Variants in GRM1 observed in about 807,000 individuals in gnomAD.
GRM1 encodes the protein metabotropic glutamate receptor 1.
GRM1 carries 33 observed loss-of-function variants against 90.9 expected under a neutral mutation model. That is an observed-to-expected ratio of 0.36 (90% CI 0.28 to 0.49). The LOEUF (loss-of-function observed/expected upper bound fraction) is 0.49, where lower values mean the gene tolerates loss of function less well. Ranked by LOEUF, GRM1 falls within the 20% of genes least tolerant of loss-of-function variation. The pLI is 0.99. For synonymous variants in GRM1, 700 were observed against 613.2 expected, an observed-to-expected ratio of 1.14 and a Z score of -2.09; for missense variants, 1,190 against 1,534.3, an observed-to-expected ratio of 0.78 and a Z score of 3.75.
chr6:146,032,587 A>G (rs1372317925), intron 1 of GRM1, among the ~76,000 whole-genome samples: 1 of 152,080 alleles, frequency 6.6e-6, no homozygotes, highest in Non-Finnish European at 1.5e-5. Flanking sequence ...CTTATTGGTG[A>G]CAGTTCCCTG....
intron 2 of GRM1, among the ~76,000 whole-genome samples, chr6:146,260,126 AT>A (rs1306329465): frequency 6.6e-6 from 1 of 151,998 alleles, no homozygotes; most frequent in African/African-American, 2.4e-5. Flanking sequence ...CATCATCTGC[AT>A]TAGATATTAC....
intron 7 of GRM1, among the ~76,000 whole-genome samples, chr6:146,407,980 G>A (rs562623676): frequency 1.3e-4 from 20 of 152,282 alleles, no homozygotes; most frequent in African/African-American, 3.9e-4. Context: ...AGTTTGAACT[G>A]CTATAACTAA....
intron 1 of GRM1, among the ~76,000 whole-genome samples, chr6:146,149,113 T>C (rs1006007444): frequency 2.0e-5 from 3 of 152,218 alleles, no homozygotes; most frequent in Admixed American, 6.5e-5. Flanking sequence ...AGTGGATCAT[T>C]GTATGAAGCT....
intron 1 of GRM1, among the ~76,000 whole-genome samples, chr6:146,140,090 A>ATTCTTTCTTTCT (rs766023029): frequency 0.19 from 11,067 of 57,706 alleles, 1,513 homozygotes; most frequent in Non-Finnish European, 0.21. Flanking sequence ...TTCTTTCTTT[A>ATTCTTTCTTTCT]TTCTTTCTTT....
chr6:146,212,385 A>G (rs1779712770), intron 2 of GRM1, among the ~76,000 whole-genome samples: 1 of 152,230 alleles, frequency 6.6e-6, no homozygotes, highest in Non-Finnish European at 1.5e-5. Context: ...CATTTTGAAG[A>G]TGCTTCAGCA....
chr6:146,172,284 A>G (rs1026545101), intron 2 of GRM1, among the ~76,000 whole-genome samples: 10 of 152,166 alleles, frequency 6.6e-5, no homozygotes, highest in African/African-American at 2.4e-4. Flanking sequence ...TCACACTGCC[A>G]TCTCCCTTGT....
intron 5 of GRM1, among the ~76,000 whole-genome samples, chr6:146,376,272 T>C (rs1776095698): frequency 1.3e-5 from 2 of 152,146 alleles, no homozygotes. Flanking sequence ...TACTTTTGAT[T>C]GGTTCATTAT....
At chr6:146,249,301 C>T (rs890120253) in intron 2 of GRM1, among the ~76,000 whole-genome samples, 3 of 152,234 alleles carry the variant, frequency 2.0e-5, no homozygotes, top group Admixed American at 2.0e-4. Flanking sequence ...TTCACATCAG[C>T]CTCTCCCATT....
chr6:146,225,074 C>G (rs1352058798), intron 2 of GRM1, among the ~76,000 whole-genome samples: 1 of 152,052 alleles, frequency 6.6e-6, no homozygotes, highest in Non-Finnish European at 1.5e-5. Flanking sequence ...TCTCCTTAGC[C>G]CTCTAGGTAG....
At position 146,414,604 on chromosome 6, in the gene GRM1, C is replaced by A. The variant is rs940887224; in HGVS notation, c.2660+14905C>A. Among the ~76,000 whole-genome samples, 5 of 152,004 alleles carry A rather than the reference C, an allele frequency of 3.3e-5. No homozygotes were observed. In the South Asian group the frequency reaches 1.0e-3, roughly 31 times the overall value. ...TTTTTAGTAGAGACGGGGTTTCACC[C>A]TGTTAGCCAGAATGGTCTTGATCTC... On this transcript the variant is annotated intron_variant, in intron 7 of 7. Coordinates refer to ENST00000282753, the MANE Select transcript of GRM1 (RefSeq NM_001278064.2).
At chr6:146,169,269 C>G (rs1778016725) in intron 2 of GRM1, among the ~76,000 whole-genome samples, 1 of 151,952 alleles carries the variant, frequency 6.6e-6, no homozygotes, top group Non-Finnish European at 1.5e-5. Context: ...AAAAGTTATA[C>G]CTGAGTATTT....
intron 6 of GRM1, among the ~76,000 whole-genome samples, chr6:146,388,966 C>T (rs1039822384): frequency 9.9e-5 from 15 of 152,094 alleles, no homozygotes; most frequent in Admixed American, 3.9e-4. Flanking sequence ...TGAATGCTCT[C>T]ACTCTGCCAT....
At chr6:146,423,840 C>T (rs182407928) in intron 7 of GRM1, among the ~76,000 whole-genome samples, 13 of 152,258 alleles carry the variant, frequency 8.5e-5, no homozygotes, top group Admixed American at 6.5e-4. Flanking sequence ...AATGAAAACA[C>T]GGAGCTCCTG....
intron 2 of GRM1, among the ~76,000 whole-genome samples, chr6:146,169,609 T>C: frequency 6.6e-6 from 1 of 152,212 alleles, no homozygotes; most frequent in Non-Finnish European, 1.5e-5. Flanking sequence ...GTCTACCTGC[T>C]TCAACCTTCC....
Position 146,357,713 on chromosome 6 carries a change from C to A in GRM1, c.1602+19C>A. 1.2e-6 allele frequency: 2 copies of A among 1,604,246 alleles called. No individual in the cohort carries two copies. Among genetic ancestry groups the A allele is most frequent in the East Asian group, 2.2e-5 (1 of 44,776 alleles). ...GATTAAGGTAAGCCACAAATGCATT[C>A]TTGCATGGTATCTGTGAGGAGGTTG... On this transcript the variant is annotated intron_variant, in intron 5 of 7. Transcript: ENST00000282753.
chr6:146,412,736 G>C (rs1418746029), intron 7 of GRM1, among the ~76,000 whole-genome samples: 1 of 152,090 alleles, frequency 6.6e-6, no homozygotes, highest in East Asian at 1.9e-4. Context: ...ACAGATGAGA[G>C]AGTCAGAATA....
At chr6:146,090,577 T>C (rs1184771785) in intron 1 of GRM1, among the ~76,000 whole-genome samples, 2 of 152,108 alleles carry the variant, frequency 1.3e-5, no homozygotes, top group African/African-American at 4.8e-5. Flanking sequence ...TTAACTATAA[T>C]GTAATCCCTG....
In GRM1 at chr6:146,352,250, G is replaced by A. The variant is rs1267284019; in HGVS notation, c.1187G>A (p.Gly396Asp). 2 of 1,613,268 alleles carry A rather than the reference G, an allele frequency of 1.2e-6. No homozygotes were observed. The highest frequency in any genetic ancestry group is 8.5e-7 in the Non-Finnish European group (1 of 1,179,448). Residue 396 changes from glycine to aspartate, a missense_variant and splice_region_variant, in exon 4 of 8, where the codon GGC becomes GAC. This residue lies in a region of GRM1 where 414 missense variants were observed against 598.4 expected (regional missense o/e 0.69). Transcript: ENST00000282753. Reference protein sequence around the residue: ...ENPNFKRICTGNESLEENYVQ... With the variant: ...ENPNFKRICTDNESLEENYVQ... ...TAGTGATCTATTTTTATTGTTACAG[G>A]CAATGAAAGCTTAGAAGAAAACTAT...
chr6:146,409,924 A>G (rs898410787), intron 7 of GRM1, among the ~76,000 whole-genome samples: 1 of 152,304 alleles, frequency 6.6e-6, no homozygotes, highest in East Asian at 1.9e-4. Flanking sequence ...AAAGAAATCA[A>G]TAACAGTAGG....
Sources: allele counts gnomAD v4.1 joint callset (sites outside exome capture counted in the v4.1 genomes callset), GRCh38; gene constraint gnomAD v4.1.1; regional missense constraint gnomAD v4.1.1; transcripts MANE v1.5; gene names NCBI Gene and HGNC (gene_info 2026-07-23, HGNC 2026-07-21).